The following SERPINA10 variants were observed in gnomAD, a reference collection of about 807,000 sequenced individuals.
The protein encoded by SERPINA10 is serpin family A member 10.
SERPINA10 carries 24 observed loss-of-function variants against 28.0 expected under a neutral mutation model. The observed-to-expected ratio is 0.86, with a 90% CI of 0.62 to 1.20. SERPINA10 has a LOEUF of 1.20. Ranked by LOEUF, SERPINA10 falls within the 50% of genes most tolerant of loss-of-function variation. The pLI is 0.00. For synonymous variants in SERPINA10, 207 were observed against 203.9 expected, an observed-to-expected ratio of 1.02 and a Z score of -0.13; for missense variants, 521 against 537.7, an observed-to-expected ratio of 0.97 and a Z score of 0.31.
intron 4 of SERPINA10, among the ~76,000 whole-genome samples, chr14:94,285,648 G>A (rs759942493): frequency 6.6e-6 from 1 of 152,044 alleles, no homozygotes; most frequent in African/African-American, 2.4e-5. Flanking sequence ...GAAATGGTGA[G>A]TTTGATGTCA....
chr14:94,291,908 C>T (rs1171457189), intron 1 of SERPINA10, among the ~76,000 whole-genome samples: 1 of 152,242 alleles, frequency 6.6e-6, no homozygotes, highest in East Asian at 1.9e-4. Context: ...GGGCCTCACT[C>T]TGCAGTCTGA....
chr14:94,293,194 T>C lies in SERPINA10; in HGVS notation c.-56A>G, dbSNP rs1329171474. 1 of 154,852 alleles carries C rather than the reference T, an allele frequency of 6.5e-6. No individual in the cohort carries two copies. The highest frequency in any genetic ancestry group is 1.4e-5 in the Non-Finnish European group (1 of 69,480). 9.6% of individuals were successfully genotyped at this position (154,852 alleles called of 1,614,324 possible). On this transcript the variant is annotated 5_prime_UTR_variant, in exon 1 of 5. Transcript: ENST00000261994. ...TGTAACCCACTGCCTCTTACCAGTG[T>C]GTGGCCTTGGGTCCTGGAAAAGTCC... is the stretch of plus-strand genomic sequence containing the variant.
intron 4 of SERPINA10, among the ~76,000 whole-genome samples, chr14:94,284,611 A>C (rs1315340367): frequency 2.6e-5 from 4 of 152,192 alleles, no homozygotes; most frequent in African/African-American, 9.7e-5. Context: ...GCAGCTTCCC[A>C]GCACCTGGTA....
Position 94,291,305 on chromosome 14 carries a change from C to T in SERPINA10, c.-50-662G>A, listed in dbSNP as rs559490089. Among the ~76,000 whole-genome samples the T allele has an allele frequency of 2.6e-5, 4 of 152,340 alleles. No individual in the cohort carries two copies. In the South Asian group the frequency reaches 8.3e-4, roughly 32 times the overall value. ...CATACAACCCACTTCTGGGCTCCCT[C>T]CACTGTGGCTTCATAGAGCCCTCAG... On this transcript the variant is annotated intron_variant, in intron 1 of 4. Transcript: ENST00000261994.
intron 4 of SERPINA10, among the ~76,000 whole-genome samples, chr14:94,284,693 T>C (rs1894979257): frequency 2.0e-5 from 3 of 152,218 alleles, no homozygotes; most frequent in African/African-American, 7.2e-5. Context: ...CTGCCTATAC[T>C]GTGGCTGCTT....
rs2232695 is a variant in SERPINA10, at chr14:94,290,575, G to T, written c.19C>A (p.Leu7Ile). The T allele has an allele frequency of 1.2e-3, 1,924 of 1,613,682 alleles. 18 individuals are homozygous for T. The African/African-American group carries it at 0.021, about 18-fold the overall frequency. Residue 7 changes from leucine to isoleucine, a missense_variant, in exon 2 of 5, where the codon CTC becomes ATC. Physicochemically the swap from Leu to Ile is conservative, Grantham distance 5. Transcript: ENST00000261994. ...TGTGCCAGGAGGACGGAGAGCAGGA[G>T]ACTTGGCACCACCTTCATGTGATCG... MKVVPS[L>I]LLSVLLAQVW... is the part of the protein sequence containing the mutation.
At chr14:94,288,633 G>A (rs1895085287) in intron 2 of SERPINA10, 74 bp from the exon 3 acceptor site, 2 of 1,571,064 alleles carry the variant, frequency 1.3e-6, no homozygotes, top group East Asian at 4.5e-5. Context: ...AAATAATAGA[G>A]AGGGAGCCTT....
At chr14:94,285,157 T>C (rs1383339420) in intron 4 of SERPINA10, among the ~76,000 whole-genome samples, 3 of 152,168 alleles carry the variant, frequency 2.0e-5, no homozygotes, top group Non-Finnish European at 4.4e-5. Flanking sequence ...TAAGGAAGAA[T>C]GTAGAGAGAT....
At chr14:94,292,931 G>T in intron 1 of SERPINA10, 1 of 498,698 alleles carries the variant, frequency 2.0e-6, no homozygotes, top group East Asian at 3.2e-5. Context: ...AGTGGTGGTG[G>T]GTGAAATATC....
At position 94,288,238 on chromosome 14, in the gene SERPINA10, C is replaced by G. The variant is rs773520535; in HGVS notation, c.992+48G>C. On this transcript the variant is annotated intron_variant, in intron 3 of 4. Transcript: ENST00000261994. ...TCAATGAAATTGTGCTGAGCGTTTG[C>G]CAGTACAGAAAGGTAGAGTTTGTAT... 3.1e-6 allele frequency: 5 copies of G among 1,608,220 alleles called. No individual in the cohort carries two copies. In the African/African-American group the frequency reaches 5.4e-5, roughly 17 times the overall value.
Position 94,289,943 on chromosome 14 carries a change from A to G in SERPINA10, c.651T>C (p.Ile217=). 6.2e-7 allele frequency: 1 copy of G among 1,614,152 alleles called. No individual in the cohort carries two copies. The highest frequency in any genetic ancestry group is 8.5e-7 in the Non-Finnish European group (1 of 1,180,008). Residue 217 remains isoleucine, a synonymous_variant, in exon 2 of 5, where the codon ATT becomes ATC. Transcript: ENST00000261994. The part of the protein sequence containing the change: ...HYINKETRGK[I]PKLFDEINPE... ...GATTAATCTCATCAAACAGTTTGGG[A>G]ATTTTCCCCCGAGTCTCTTTGTTAA...
chr14:94,290,632 C>A lies in SERPINA10; in HGVS notation c.-39G>T. 1 of 1,609,422 alleles carries A rather than the reference C, an allele frequency of 6.2e-7. No individual in the cohort carries two copies. The highest frequency in any genetic ancestry group is 8.5e-7 in the Non-Finnish European group (1 of 1,178,788). ...GAGGCCAAGGAGTGCCTCCCTTCAG[C>A]TGCAAGACTTCCTGTGGAGAGGAGA... On this transcript the variant is annotated 5_prime_UTR_variant, in exon 2 of 5. Coordinates refer to ENST00000261994, the MANE Select transcript of SERPINA10 (RefSeq NM_001100607.3).
chr14:94,292,973 T>G, intron 1 of SERPINA10: 1 of 398,916 alleles, frequency 2.5e-6, no homozygotes, highest in Non-Finnish European at 4.7e-6. Context: ...CTTGGCCTCC[T>G]TCCTGCAGAG....
In SERPINA10 at chr14:94,282,553, G is replaced by A. The variant is rs1411083405; in HGVS notation, c.*1412C>T. 6.6e-6 allele frequency: 1 copy of A among 152,212 alleles called. No individual in the cohort carries two copies. The highest frequency in any genetic ancestry group is 2.4e-5 in the African/African-American group (1 of 41,438). 9.4% of individuals were successfully genotyped at this position (152,212 alleles called of 1,614,324 possible). The stretch of plus-strand genomic sequence containing the variant: ...GAAGGAAGAGTAAAAAGGGCTTGGA[G>A]ACTAGACTCAGGAAAGGTAGGCTTC... On this transcript the variant is annotated 3_prime_UTR_variant, in exon 5 of 5. Coordinates refer to ENST00000261994, the MANE Select transcript of SERPINA10 (RefSeq NM_001100607.3).
At chr14:94,285,535 A>T (rs1033016463) in intron 4 of SERPINA10, among the ~76,000 whole-genome samples, 3 of 151,514 alleles carry the variant, frequency 2.0e-5, no homozygotes, top group African/African-American at 7.3e-5. Flanking sequence ...ACATATACAC[A>T]CATATACATT....
chr14:94,286,290 T>C, intron 3 of SERPINA10, 32 bp from the exon 4 acceptor site: 1 of 1,612,070 alleles, frequency 6.2e-7, no homozygotes. Context: ...TGGTGAAATG[T>C]AGACAAAGCC....
At position 94,290,191 on chromosome 14, in the gene SERPINA10, G is replaced by T. The variant is rs763071040; in HGVS notation, c.403C>A (p.Pro135Thr). ...KRGLHLQALK[P>T]TKPGLLPSLF... ...GAAGGCAGGAGCCCGGGCTTGGTGGGCTTCAGGGCCTGCAAGTGGAGCCCT... is the reference window on the plus strand; with the variant it reads ...GAAGGCAGGAGCCCGGGCTTGGTGGTCTTCAGGGCCTGCAAGTGGAGCCCT... Residue 135 changes from proline to threonine, a missense_variant, in exon 2 of 5, where the codon CCC (proline) becomes ACC (threonine). Physicochemically the swap from Pro to Thr is conservative, Grantham distance 38. Transcript: ENST00000261994. The T allele has an allele frequency of 1.9e-6, 3 of 1,613,716 alleles. No homozygotes were observed. The highest frequency in any genetic ancestry group is 2.2e-5 in the South Asian group (2 of 91,072).
At chr14:94,292,841 C>T (rs1324410868) in intron 1 of SERPINA10, 3 of 607,392 alleles carry the variant, frequency 4.9e-6, no homozygotes, top group Non-Finnish European at 9.0e-6. Context: ...AGCTCACCTG[C>T]CACTTCTCAG....
rs1894889382 is a variant in SERPINA10, at chr14:94,281,153, T to C, written c.*2812A>G. On this transcript the variant is annotated 3_prime_UTR_variant, in exon 5 of 5. Transcript: ENST00000261994. The stretch of plus-strand genomic sequence containing the variant: ...AGGAACAATTTTTAAGACTCGACAC[T>C]TGGCCGGGCGTGGTGGCTCATGCCT... 6.6e-6 allele frequency: 1 copy of C among 152,306 alleles called. No homozygotes were observed. The highest frequency in any genetic ancestry group is 2.4e-5 in the African/African-American group (1 of 41,440). The allele number at this position is 152,306 out of a possible 1,614,324, so 9.4% of individuals were successfully genotyped here.
Sources: gnomAD v4.1 joint callset for allele counts (sites outside exome capture counted in the v4.1 genomes callset) on GRCh38, gnomAD v4.1.1 for gene constraint, MANE v1.5 for transcripts, NCBI Gene and HGNC (gene_info 2026-07-23, HGNC 2026-07-21) for gene names.